CTNNA2: variants seen among roughly 807,000 people sequenced by gnomAD.
CTNNA2 encodes the protein catenin alpha-2.
Under a neutral mutation model 101.0 loss-of-function variants are expected in CTNNA2, and 42 were observed. The observed-to-expected ratio is 0.42, with a 90% CI of 0.32 to 0.54. The LOEUF (loss-of-function observed/expected upper bound fraction) is 0.54. Ranked by LOEUF, CTNNA2 falls within the 20% of genes least tolerant of loss-of-function variation. The pLI is 0.14. For synonymous variants in CTNNA2, 450 were observed against 456.4 expected (o/e 0.99, Z 0.18); for missense variants, 871 against 1,223.1 (o/e 0.71, Z 4.29).
intron 7 of CTNNA2, among the ~76,000 whole-genome samples, chr2:80,319,533 C>A (rs1051692698): frequency 6.6e-6 from 1 of 152,180 alleles, no homozygotes; most frequent in Non-Finnish European, 1.5e-5. Context: ...ATTCAACCAA[C>A]ATGGAGAACA....
At chr2:80,438,399 T>C (rs573573226) in intron 9 of CTNNA2, among the ~76,000 whole-genome samples, 46 of 150,456 alleles carry the variant, frequency 3.1e-4, no homozygotes, top group Non-Finnish European at 4.4e-4. Flanking sequence ...CCAAATGTTT[T>C]TTTTTTTCCG....
At chr2:79,729,714 C>T (rs1244701365) in intron 2 of CTNNA2, among the ~76,000 whole-genome samples, 1 of 152,046 alleles carries the variant, frequency 6.6e-6, no homozygotes, top group Non-Finnish European at 1.5e-5. Flanking sequence ...CTTGAGGCCT[C>T]TAAGAAGTGA....
intron 5 of CTNNA2, among the ~76,000 whole-genome samples, chr2:79,505,360 T>C (rs1288643151): frequency 6.6e-6 from 1 of 152,252 alleles, no homozygotes; most frequent in Non-Finnish European, 1.5e-5. Context: ...TGTTTACCTT[T>C]TTCTTCCTGG....
chr2:80,351,774 A>G (rs1182580471), intron 7 of CTNNA2, among the ~76,000 whole-genome samples: 1 of 152,124 alleles, frequency 6.6e-6, no homozygotes. Context: ...CAAATTCGGT[A>G]CTTTAGTCTA....
intron 2 of CTNNA2, among the ~76,000 whole-genome samples, chr2:79,280,689 G>GAGAGAGAGAGAGAGAGAGAGAGAC (rs1162544752): frequency 8.7e-6 from 1 of 114,710 alleles, no homozygotes; most frequent in Admixed American, 8.4e-5. Flanking sequence ...GAGAGAAAGA[G>GAGAGAGAGAGAGAGAGAGAGAGAC]AGAGAGAGAG....
intron 7 of CTNNA2, among the ~76,000 whole-genome samples, chr2:80,099,881 C>G (rs1573076627): frequency 6.6e-6 from 1 of 151,978 alleles, no homozygotes; most frequent in Admixed American, 6.6e-5. Context: ...TGGGCCCGAC[C>G]CTAGAACTAT....
chr2:79,253,163 T>A (rs1377118261), intron 2 of CTNNA2, among the ~76,000 whole-genome samples: 1 of 152,176 alleles, frequency 6.6e-6, no homozygotes, highest in African/African-American at 2.4e-5. Context: ...AGGTTCCTCA[T>A]AGGCCTGATA....
intron 7 of CTNNA2, among the ~76,000 whole-genome samples, chr2:79,969,335 C>T (rs1470830469): frequency 6.6e-6 from 1 of 152,180 alleles, no homozygotes; most frequent in Non-Finnish European, 1.5e-5. Flanking sequence ...GCCCCGTGCT[C>T]TAAAGATGGC....
At chr2:80,029,152 T>C (rs1417149740) in intron 7 of CTNNA2, among the ~76,000 whole-genome samples, 1 of 152,238 alleles carries the variant, frequency 6.6e-6, no homozygotes, top group Non-Finnish European at 1.5e-5. Flanking sequence ...CTATGACTAC[T>C]ACTGCTACTA....
At chr2:79,366,703 A>G (rs1187828157) in intron 3 of CTNNA2, among the ~76,000 whole-genome samples, 2 of 152,272 alleles carry the variant, frequency 1.3e-5, no homozygotes, top group Non-Finnish European at 2.9e-5. Context: ...CATTCATTCA[A>G]CATTCAACAC....
At chr2:79,852,016 G>C (rs928645002) in intron 3 of CTNNA2, among the ~76,000 whole-genome samples, 1 of 151,972 alleles carries the variant, frequency 6.6e-6, no homozygotes, top group East Asian at 1.9e-4. Context: ...GGGATTACAG[G>C]TGTGAGCCAC....
chr2:79,492,039 A>G (rs1671211022), intron 4 of CTNNA2, among the ~76,000 whole-genome samples: 1 of 152,200 alleles, frequency 6.6e-6, no homozygotes, highest in South Asian at 2.1e-4. Flanking sequence ...GCATTTAATA[A>G]TTAGAGTAGT....
chr2:80,307,047 A>T (rs1366832287), intron 7 of CTNNA2, among the ~76,000 whole-genome samples: 2 of 148,056 alleles, frequency 1.4e-5, no homozygotes, highest in East Asian at 3.9e-4. Flanking sequence ...TAAATAAATT[A>T]TATATATATA....
intron 1 of CTNNA2, among the ~76,000 whole-genome samples, chr2:79,518,742 A>G (rs1207662138): frequency 6.6e-6 from 1 of 152,254 alleles, no homozygotes; most frequent in South Asian, 2.1e-4. Context: ...GGAAGTAGCA[A>G]TGTCCCTTAA....
intron 8 of CTNNA2, among the ~76,000 whole-genome samples, chr2:80,415,405 G>GA (rs1559090414): frequency 6.6e-6 from 1 of 151,444 alleles, no homozygotes; most frequent in East Asian, 1.9e-4. Flanking sequence ...ATGAAGCTCT[G>GA]TTTTTTTTGT....
At chr2:80,358,342 A>ATTTTT (rs1674046325) in intron 7 of CTNNA2, among the ~76,000 whole-genome samples, 1 of 131,020 alleles carries the variant, frequency 7.6e-6, no homozygotes, top group Non-Finnish European at 1.6e-5. Context: ...GTAGTATTCT[A>ATTTTT]CTTTTTTTTT....
chr2:80,473,787 G>A (rs1415115649), intron 9 of CTNNA2, among the ~76,000 whole-genome samples: 1 of 152,202 alleles, frequency 6.6e-6, no homozygotes, highest in Non-Finnish European at 1.5e-5. Flanking sequence ...TGATGCTGCA[G>A]TAAAGGGCCT....
rs1414286534 is a variant in CTNNA2 at position 80,451,683 on chromosome 2, G to A, written c.1290+32082G>A. ...ATTTAGATTTGTTCTCTTAGATCAG[G>A]CAATAATTCAAATATGATTTGAGTA... On this transcript the variant is annotated intron_variant, in intron 9 of 18. Coordinates refer to ENST00000402739, the MANE Select transcript of CTNNA2 (RefSeq NM_001282597.3). Among the ~76,000 whole-genome samples the A allele has an allele frequency of 2.6e-5, 4 of 152,068 alleles. No homozygotes were observed. The East Asian group carries it at 7.7e-4, about 29-fold the overall frequency.
intron 1 of CTNNA2, among the ~76,000 whole-genome samples, chr2:79,537,548 C>A (rs1282869547): frequency 6.6e-6 from 1 of 152,106 alleles, no homozygotes; most frequent in Non-Finnish European, 1.5e-5. Context: ...AGACTGGCTT[C>A]CTTGCAGAAC....
Sources: allele counts gnomAD v4.1 joint callset (sites outside exome capture counted in the v4.1 genomes callset), GRCh38; gene constraint gnomAD v4.1.1; transcripts MANE v1.5; gene names NCBI Gene and HGNC (gene_info 2026-07-23, HGNC 2026-07-21).